The following KCNT2 variants were observed in gnomAD, a reference collection of about 807,000 sequenced individuals.
KCNT2 encodes the protein potassium channel subfamily T member 2.
A neutral mutation model predicts 153.8 loss-of-function variants in KCNT2; 67 were observed. The observed-to-expected ratio is 0.44, with a 90% CI of 0.36 to 0.53. KCNT2 has a LOEUF of 0.53. KCNT2 is among the 20% of genes least tolerant of loss of function. The probability of loss-of-function intolerance (pLI) is 0.00; values close to 1 mark genes in which losing one functional copy is unlikely to be tolerated. For missense variants in KCNT2, 975 were observed against 1,354.8 expected (o/e 0.72, Z 4.40); for synonymous variants, 500 against 458.8 (o/e 1.09, Z -1.15).
intron 16 of KCNT2, among the ~76,000 whole-genome samples, chr1:196,339,529 AG>A (rs1353487630): frequency 5.3e-5 from 8 of 151,438 alleles, no homozygotes; most frequent in South Asian, 2.1e-4. Context: ...ACAGAGAGAG[AG>A]AGAGAGAGAG....
intron 12 of KCNT2, among the ~76,000 whole-genome samples, chr1:196,415,934 G>A (rs1433435817): frequency 1.3e-5 from 2 of 151,740 alleles, no homozygotes; most frequent in Admixed American, 1.3e-4. Flanking sequence ...CCACAGTTTT[G>A]CCTTCCCACA....
intron 14 of KCNT2, among the ~76,000 whole-genome samples, chr1:196,355,433 G>A (rs1035828053): frequency 3.3e-5 from 5 of 151,682 alleles, no homozygotes; most frequent in Admixed American, 1.3e-4. Flanking sequence ...AAGAAAAATG[G>A]CCATCAAAAG....
chr1:196,299,169 T>C (rs1400255622), intron 22 of KCNT2, among the ~76,000 whole-genome samples: 2 of 152,090 alleles, frequency 1.3e-5, no homozygotes, highest in Non-Finnish European at 2.9e-5. Context: ...CCCTTTTTTT[T>C]CTATTGTTGT....
intron 27 of KCNT2, among the ~76,000 whole-genome samples, chr1:196,231,380 A>G (rs1653939385): frequency 6.6e-6 from 1 of 151,970 alleles, no homozygotes; most frequent in East Asian, 1.9e-4. Flanking sequence ...ATGCCTGAGT[A>G]TCTTTAGTGA....
chr1:196,365,085 C>G (rs1163178359), intron 14 of KCNT2, among the ~76,000 whole-genome samples: 1 of 152,056 alleles, frequency 6.6e-6, no homozygotes, highest in African/African-American at 2.4e-5. Flanking sequence ...GGAACCTTCT[C>G]TTTCTTTGGT....
At chr1:196,306,928 C>A (rs1261004023) in intron 21 of KCNT2, among the ~76,000 whole-genome samples, 2 of 151,864 alleles carry the variant, frequency 1.3e-5, no homozygotes, top group African/African-American at 2.4e-5. Context: ...TAAATTGTGG[C>A]TGACTAAACA....
intron 1 of KCNT2, among the ~76,000 whole-genome samples, chr1:196,496,413 A>G (rs1680259401): frequency 6.6e-6 from 1 of 151,298 alleles, no homozygotes; most frequent in African/African-American, 2.4e-5. Flanking sequence ...GGTTGCAGTG[A>G]GCCGAGATCG....
intron 25 of KCNT2, among the ~76,000 whole-genome samples, chr1:196,260,486 C>T (rs1656909457): frequency 6.6e-6 from 1 of 151,504 alleles, no homozygotes; most frequent in South Asian, 2.1e-4. Flanking sequence ...TTTGAATACC[C>T]CCAAGAGAAA....
chr1:196,372,644 A>G (rs541034874), intron 14 of KCNT2, among the ~76,000 whole-genome samples: 2 of 152,072 alleles, frequency 1.3e-5, no homozygotes, highest in South Asian at 4.1e-4. Flanking sequence ...TTTATACTGC[A>G]TTAGCTAATT....
rs1309119890 is a variant in KCNT2, at chr1:196,342,276, G to T, written c.1404-48C>A. 3 of 1,514,876 alleles carry T rather than the reference G, an allele frequency of 2.0e-6. No homozygotes were observed. The Middle Eastern group carries it at 5.2e-4, about 263-fold the overall frequency. The allele number at this position is 1,514,876 out of a possible 1,614,324, so 93.8% of individuals were successfully genotyped here. Reference sequence around the variant, plus strand: ...TACACACACACAAAAAGAAAACACAGTGAATGTGGTTAAAAAACAGTTGTT... The same window carrying T: ...TACACACACACAAAAAGAAAACACATTGAATGTGGTTAAAAAACAGTTGTT... On this transcript the variant is annotated intron_variant, in intron 14 of 27. Coordinates refer to ENST00000294725, the MANE Select transcript of KCNT2 (RefSeq NM_198503.5).
At chr1:196,517,049 G>A (rs959953754) in intron 1 of KCNT2, among the ~76,000 whole-genome samples, 20 of 152,076 alleles carry the variant, frequency 1.3e-4, no homozygotes, top group Admixed American at 6.6e-4. Flanking sequence ...AATGGGAGTG[G>A]GGATTGCCGT....
chr1:196,331,902 A>T lies in KCNT2; in HGVS notation c.1998-641T>A, dbSNP rs955014934. On this transcript the variant is annotated intron_variant, in intron 17 of 27. Coordinates refer to ENST00000294725, the MANE Select transcript of KCNT2 (RefSeq NM_198503.5). ...TTTTTGTTGTAATCATACTTAAAAC[A>T]TTATCAGAGAATTTAGCTTGCTGAC... 3.3e-5 allele frequency among the ~76,000 whole-genome samples: 5 copies of T among 152,156 alleles called. No homozygotes were observed. The East Asian group carries it at 9.6e-4, about 29-fold the overall frequency.
At chr1:196,332,089 G>C (rs1044235500) in intron 17 of KCNT2, among the ~76,000 whole-genome samples, 1 of 152,048 alleles carries the variant, frequency 6.6e-6, no homozygotes, top group Non-Finnish European at 1.5e-5. Flanking sequence ...AAATTTACCT[G>C]CTAAGCCATA....
At chr1:196,394,016 G>GA (rs889720336) in intron 13 of KCNT2, among the ~76,000 whole-genome samples, 4 of 151,098 alleles carry the variant, frequency 2.6e-5, no homozygotes, top group Non-Finnish European at 4.4e-5. Context: ...TCTCTCACTG[G>GA]AAAAAAAATG....
At chr1:196,326,118 G>C (rs1364502803) in intron 19 of KCNT2, among the ~76,000 whole-genome samples, 1 of 152,038 alleles carries the variant, frequency 6.6e-6, no homozygotes, top group African/African-American at 2.4e-5. Context: ...CTCATTCAGT[G>C]ACCCATATTT....
At chr1:196,253,979 A>T (rs1656232368) in intron 26 of KCNT2, among the ~76,000 whole-genome samples, 1 of 151,564 alleles carries the variant, frequency 6.6e-6, no homozygotes, top group African/African-American at 2.4e-5. Flanking sequence ...GTGAGAAATT[A>T]TGCAAAATAT....
intron 25 of KCNT2, among the ~76,000 whole-genome samples, chr1:196,260,659 A>C (rs1656928669): frequency 6.6e-6 from 1 of 151,880 alleles, no homozygotes; most frequent in Non-Finnish European, 1.5e-5. Context: ...AAAACACATC[A>C]ATTGCTCTTT....
At chr1:196,390,908 T>TTA (rs1553310686) in intron 13 of KCNT2, among the ~76,000 whole-genome samples, 28 of 142,868 alleles carry the variant, frequency 2.0e-4, no homozygotes, top group African/African-American at 6.2e-4. Context: ...TTTTTTTTTT[T>TTA]AAAAAAAAAC....
At chr1:196,385,235 T>G (rs1669865414) in intron 13 of KCNT2, among the ~76,000 whole-genome samples, 1 of 152,100 alleles carries the variant, frequency 6.6e-6, no homozygotes, top group Admixed American at 6.6e-5. Flanking sequence ...CATCAGCAGA[T>G]TCCAAAAATA....
Sources: gnomAD v4.1 joint callset for allele counts (sites outside exome capture counted in the v4.1 genomes callset) on GRCh38, gnomAD v4.1.1 for gene constraint, MANE v1.5 for transcripts, NCBI Gene and HGNC (gene_info 2026-07-23, HGNC 2026-07-21) for gene names.